Variants in ANKRD50 observed in about 807,000 individuals in gnomAD.
The protein encoded by ANKRD50 is ankyrin repeat domain 50.
In ANKRD50, 40 loss-of-function variants were observed where a neutral mutation model predicts 112.0. The ratio of observed to expected loss-of-function variants is 0.36; its 90% CI spans 0.28 to 0.46. ANKRD50 has a LOEUF of 0.46. Among genes scored for constraint, ANKRD50 ranks in the 20% least tolerant of loss-of-function variants. The pLI, the probability that ANKRD50 is intolerant of heterozygous loss-of-function variation, is 1.00. For missense variants in ANKRD50, 1,487 were observed against 1,701.7 expected (o/e 0.87, Z 2.22); for synonymous variants, 613 against 619.1 (o/e 0.99, Z 0.15).
chr4:124,675,732 TGGAG>T (rs1730758402), intron 3 of ANKRD50, among the ~76,000 whole-genome samples: 1 of 151,794 alleles, frequency 6.6e-6, no homozygotes, highest in Non-Finnish European at 1.5e-5. Context: ...TTAAAAATCT[TGGAG>T]GGTTAATTTT....
At chr4:124,691,149 G>A (rs534196765) in intron 2 of ANKRD50, among the ~76,000 whole-genome samples, 9 of 152,218 alleles carry the variant, frequency 5.9e-5, no homozygotes, top group South Asian at 2.1e-4. Context: ...TTTCACTTAC[G>A]ATTCAAAATA....
At chr4:124,703,589 T>C (rs1325193169) in intron 2 of ANKRD50, among the ~76,000 whole-genome samples, 2 of 151,520 alleles carry the variant, frequency 1.3e-5, no homozygotes, top group Non-Finnish European at 1.5e-5. Context: ...GCAGGGCTTA[T>C]ATAAAGACAG....
Position 124,710,516 on chromosome 4 carries a change from G to C in ANKRD50, c.-5C>G. 3 of 1,604,320 alleles carry C rather than the reference G, an allele frequency of 1.9e-6. No individual in the cohort carries two copies. Among genetic ancestry groups the C allele is most frequent in the Non-Finnish European group, 1.7e-6 (2 of 1,177,414 alleles). On this transcript the variant is annotated 5_prime_UTR_variant, in exon 2 of 5. Coordinates refer to ENST00000504087, the MANE Select transcript of ANKRD50 (RefSeq NM_020337.3). ...CTCTTCCCAAGGATTAGTCATAACG[G>C]GTTTTTTATCTTCATTTGCTAGAGT...
At position 124,710,750 on chromosome 4, in the gene ANKRD50, C is replaced by G. The variant is rs1306382974; in HGVS notation, c.-239G>C. 1.3e-5 allele frequency: 7 copies of G among 535,794 alleles called. No homozygotes were observed. The highest frequency in any genetic ancestry group is 2.3e-5 in the Non-Finnish European group (7 of 304,170). The allele number at this position is 535,794 out of a possible 1,614,324, so 33.2% of individuals were successfully genotyped here. A position where few individuals can be genotyped will look rare whatever the true frequency, so the allele number is the denominator to read the frequency against. ...ACTGAGGGAGAAACGCCTGATTCCA[C>G]AGCTCAGCAACACTTTTCCTAAATT... On this transcript the variant is annotated 5_prime_UTR_variant, in exon 2 of 5. Coordinates refer to ENST00000504087, the MANE Select transcript of ANKRD50 (RefSeq NM_020337.3).
At chr4:124,699,636 A>C (rs1725343413) in intron 2 of ANKRD50, among the ~76,000 whole-genome samples, 1 of 152,202 alleles carries the variant, frequency 6.6e-6, no homozygotes. Flanking sequence ...ACATAAATCT[A>C]ATGCTATTCA....
Position 124,698,711 on chromosome 4 carries a change from G to A in ANKRD50, c.512+11289C>T, listed in dbSNP as rs982553458. ...ATGGTGGAGCTTCCAGGGGCTACAC[G>A]ATGTGAGGTATTGTAAGAGACTGAA... is the stretch of plus-strand genomic sequence containing the variant. On this transcript the variant is annotated intron_variant, in intron 2 of 4. Transcript: ENST00000504087. 9.2e-5 allele frequency among the ~76,000 whole-genome samples: 14 copies of A among 152,246 alleles called. No individual in the cohort carries two copies. In the East Asian group the frequency reaches 1.5e-3, roughly 17 times the overall value.
At chr4:124,672,635 A>T in intron 3 of ANKRD50, 101 bp from the exon 4 acceptor site, 1 of 805,910 alleles carries the variant, frequency 1.2e-6, no homozygotes, top group Non-Finnish European at 1.9e-6. Context: ...AAATCAATTA[A>T]TAAATTAATA....
rs1730660414 is a variant in ANKRD50, at chr4:124,671,730, C to T, written c.1547G>A (p.Cys516Tyr). ...HVNSEDDRTS[C>Y]IVRQALERED... The stretch of plus-strand genomic sequence containing the variant: ...TCTTTCTAAGGCTTGTCGAACTATG[C>T]ATGATGTGCGATCGTCTTCACTGTT... The change falls in exon 4 of 5, where the codon TGC becomes TAC. Residue 516 changes from cysteine (C) to tyrosine (Y), a missense_variant. Cys to Tyr is a radical substitution (Grantham distance 194, BLOSUM62 -2). Transcript: ENST00000504087. 1.2e-6 allele frequency: 2 copies of T among 1,613,876 alleles called. No homozygotes were observed. The highest frequency in any genetic ancestry group is 1.7e-6 in the Non-Finnish European group (2 of 1,179,864).
intron 3 of ANKRD50, among the ~76,000 whole-genome samples, chr4:124,676,386 G>A (rs1190764623): frequency 2.0e-5 from 3 of 151,596 alleles, no homozygotes; most frequent in Non-Finnish European, 4.4e-5. Context: ...GGGCTGGGAA[G>A]TAATTGCACA....
chr4:124,684,801 T>C (rs1356134103), intron 2 of ANKRD50, among the ~76,000 whole-genome samples: 1 of 152,226 alleles, frequency 6.6e-6, no homozygotes, highest in Non-Finnish European at 1.5e-5. Context: ...GTCTTAGTCA[T>C]GTAAAAAGTA....
rs567004065 is a variant in ANKRD50 at position 124,666,962 on chromosome 4, T to C, written c.*556A>G. 1 of 152,122 alleles carries C rather than the reference T, an allele frequency of 6.6e-6. No homozygotes were observed. Among genetic ancestry groups the C allele is most frequent in the South Asian group, 2.1e-4 (1 of 4,828 alleles). 9.4% of individuals were successfully genotyped at this position (152,122 alleles called of 1,614,324 possible). On this transcript the variant is annotated 3_prime_UTR_variant, in exon 5 of 5. Coordinates refer to ENST00000504087, the MANE Select transcript of ANKRD50 (RefSeq NM_020337.3). The stretch of plus-strand genomic sequence containing the variant: ...ATCATTTTTTCATTTCAATGTGATA[T>C]TTATATAGAAAATGATTTTTATCCA...
chr4:124,668,208 G>A (rs749132148), intron 4 of ANKRD50, among the ~76,000 whole-genome samples: 2 of 151,606 alleles, frequency 1.3e-5, no homozygotes, highest in Non-Finnish European at 2.9e-5. Flanking sequence ...GTTACAGGAA[G>A]GAGAAAAAAA....
intron 2 of ANKRD50, among the ~76,000 whole-genome samples, chr4:124,703,668 G>GTT (rs199597600): frequency 6.3e-5 from 9 of 143,488 alleles, no homozygotes; most frequent in Non-Finnish European, 9.2e-5. Flanking sequence ...AAATTTCCAG[G>GTT]TTTTTTTTTT....
At chr4:124,698,115 A>G (rs895113722) in intron 2 of ANKRD50, among the ~76,000 whole-genome samples, 1 of 152,030 alleles carries the variant, frequency 6.6e-6, no homozygotes, top group East Asian at 1.9e-4. Flanking sequence ...CTAGTACAAG[A>G]TATTTGAATA....
intron 2 of ANKRD50, among the ~76,000 whole-genome samples, chr4:124,703,923 G>T (rs1264544463): frequency 6.6e-6 from 1 of 152,126 alleles, no homozygotes; most frequent in Non-Finnish European, 1.5e-5. Context: ...TTGAGGACTG[G>T]TTCAGCAAAT....
intron 1 of ANKRD50, among the ~76,000 whole-genome samples, chr4:124,711,557 C>G (rs1319028464): frequency 6.6e-6 from 1 of 152,088 alleles, no homozygotes; most frequent in East Asian, 1.9e-4. Context: ...AGAAACTTTA[C>G]GCACATACAG....
intron 2 of ANKRD50, among the ~76,000 whole-genome samples, chr4:124,687,316 C>T (rs1725029353): frequency 6.6e-6 from 1 of 151,892 alleles, no homozygotes; most frequent in Non-Finnish European, 1.5e-5. Flanking sequence ...CAAACAATAA[C>T]AGCTGGATGC....
chr4:124,669,513 C>T lies in ANKRD50; in HGVS notation c.3764G>A (p.Trp1255Ter). Residue 1255 changes from tryptophan to a stop codon, truncating the protein, a stop_gained, in exon 4 of 5, where the codon TGG (tryptophan) becomes TAG (stop). Coordinates refer to ENST00000504087, the MANE Select transcript of ANKRD50 (RefSeq NM_020337.3). LOFTEE classifies it high-confidence loss of function. ...CTTCAAACTGGGCTTTACTTGACTC[C>T]ACTCAAATTCACTACTTGGTGAATT... ...SHNSPSSEFEWSQVKPSLKST... is the reference protein window; with the variant it reads ...SHNSPSSEFE The T allele has an allele frequency of 6.2e-7, 1 of 1,612,618 alleles. No homozygotes were observed. The highest frequency in any genetic ancestry group is 8.5e-7 in the Non-Finnish European group (1 of 1,179,644).
chr4:124,710,621 G>A lies in ANKRD50; in HGVS notation c.-110C>T, dbSNP rs1578598797. The A allele has an allele frequency of 2.3e-6, 3 of 1,307,680 alleles. No individual in the cohort carries two copies. Among genetic ancestry groups the A allele is most frequent in the African/African-American group, 1.5e-5 (1 of 67,854 alleles). 81.0% of individuals were successfully genotyped at this position (1,307,680 alleles called of 1,614,324 possible). A position where few individuals can be genotyped will look rare whatever the true frequency, so the allele number is the denominator to read the frequency against. ...GTTGACTCTGAAGACAGAGTAACTA[G>A]TTACAGTAAAATTCAACAGCCACAG... On this transcript the variant is annotated 5_prime_UTR_variant, in exon 2 of 5. Coordinates refer to ENST00000504087, the MANE Select transcript of ANKRD50 (RefSeq NM_020337.3).
Sources: allele counts gnomAD v4.1 joint callset (sites outside exome capture counted in the v4.1 genomes callset), GRCh38; gene constraint gnomAD v4.1.1; transcripts MANE v1.5; gene names NCBI Gene and HGNC (gene_info 2026-07-23, HGNC 2026-07-21).